Variants in KDM5B observed in about 807,000 individuals in gnomAD.
The protein encoded by KDM5B is lysine demethylase 5B, also known as lysine-specific demethylase 5B.
KDM5B carries 144 observed loss-of-function variants against 193.4 expected under a neutral mutation model. That is an observed-to-expected ratio of 0.74 (90% CI 0.65 to 0.86). The LOEUF is 0.86. Ranked by LOEUF, KDM5B falls within the 40% of genes least tolerant of loss-of-function variation. The pLI is 0.00. For synonymous variants in KDM5B, 668 were observed against 682.6 expected, an observed-to-expected ratio of 0.98 and a Z score of 0.33; for missense variants, 1,833 against 1,886.9, an observed-to-expected ratio of 0.97 and a Z score of 0.53.
rs1654653084 is a variant in KDM5B, at chr1:202,725,721, T to A, written c.*3315A>T. The A allele has an allele frequency of 6.6e-6, 1 of 152,248 alleles. No individual in the cohort carries two copies. Among genetic ancestry groups the A allele is most frequent in the South Asian group, 2.1e-4 (1 of 4,836 alleles). 9.4% of individuals were successfully genotyped at this position (152,248 alleles called of 1,614,324 possible). A position where few individuals can be genotyped will look rare whatever the true frequency, so the allele number is the denominator to read the frequency against. ...GACACTAGCATGGACTAGTATGTAG[T>A]TAGTCTGATAATGAATAACCAGCTC... On this transcript the variant is annotated 3_prime_UTR_variant, in exon 27 of 27. Coordinates refer to ENST00000367265, the MANE Select transcript of KDM5B (RefSeq NM_006618.5).
Position 202,733,669 on chromosome 1 carries a change from C to T in KDM5B, c.3641G>A (p.Arg1214Gln), listed in dbSNP as rs376652289. 1.4e-5 allele frequency: 22 copies of T among 1,614,120 alleles called. No individual in the cohort carries two copies. The highest frequency in any genetic ancestry group is 8.3e-5 in the Admixed American group (5 of 60,014). Residue 1214 changes from arginine to glutamine, a missense_variant, in exon 23 of 27, where the codon CGA becomes CAA. Arg to Gln is a conservative substitution (Grantham distance 43). Transcript: ENST00000367265. ...VAVPSISQGL[R>Q]IWLCPHCRRS... is the part of the protein sequence containing the mutation. ...CCGACAATGGGGACAAAGCCAGATT[C>T]GCAGGCCCTGTGAAATACTGGGTAC...
At chr1:202,780,118 T>C (rs551691375) in intron 1 of KDM5B, among the ~76,000 whole-genome samples, 78 of 152,236 alleles carry the variant, frequency 5.1e-4, no homozygotes, top group African/African-American at 1.8e-3. Context: ...AAACTCTCAT[T>C]GTTTTTAGCT....
In KDM5B at chr1:202,762,714, T is replaced by C. The variant is rs936607913; in HGVS notation, c.903A>G (p.Lys301=). 15 of 1,600,474 alleles carry C rather than the reference T, an allele frequency of 9.4e-6. No individual in the cohort carries two copies. Among genetic ancestry groups the C allele is most frequent in the Admixed American group, 3.3e-5 (2 of 59,990 alleles). The change falls in exon 7 of 27, where the codon AAA becomes AAG. Residue 301 remains lysine (K), a synonymous_variant. Coordinates refer to ENST00000367265, the MANE Select transcript of KDM5B (RefSeq NM_006618.5). The part of the protein sequence containing the change: ...NEKEKPKSRS[K]KATNAVDLYV... ...TGTCACTCACAGCATTGGTGGCTTT[T>C]TTAGATCGACTCTTGGGCTTTTCCT... is the stretch of plus-strand genomic sequence containing the variant.
At position 202,729,953 on chromosome 1, in the gene KDM5B, C is replaced by T; in HGVS notation, c.4251G>A (p.Glu1417=). 1 of 1,614,124 alleles carries T rather than the reference C, an allele frequency of 6.2e-7. No individual in the cohort carries two copies. Among genetic ancestry groups the T allele is most frequent in the Non-Finnish European group, 8.5e-7 (1 of 1,179,992 alleles). Residue 1417 remains glutamate, a synonymous_variant, in exon 26 of 27, where the codon GAG becomes GAA. Coordinates refer to ENST00000367265, the MANE Select transcript of KDM5B (RefSeq NM_006618.5). ...ERKLKRRLER[E]GLSSERWERV... ...GTTCCCACCGCTCACTGGAGAGGCC[C>T]TCTCTTTCCAGGCGTCTCTTCAGTT...
intron 14 of KDM5B, among the ~76,000 whole-genome samples, chr1:202,748,625 T>C (rs957861955): frequency 2.6e-5 from 4 of 152,012 alleles, no homozygotes; most frequent in African/African-American, 9.7e-5. Flanking sequence ...TCCCAGCACA[T>C]TGGGAGGTTG....
In KDM5B at chr1:202,766,993, TG is replaced by T. The variant is rs1373190531; in HGVS notation, c.643del (p.Gln215ArgfsTer20). 6.3e-7 allele frequency: 1 copy of T among 1,596,154 alleles called. No homozygotes were observed. The highest frequency in any genetic ancestry group is 8.5e-7 in the Non-Finnish European group (1 of 1,175,838). ...TTCCGAAGGCTGCACAGACTGCCTCTGGGGAATATCATGGGGTTTGTACTCC... is the reference window on the plus strand; with the variant it reads ...TTCCGAAGGCTGCACAGACTGCCTCTGGGAATATCATGGGGTTTGTACTCC... ...DKEYKPHDIP[Q>X]RQSVQPSETC... On this transcript the variant is annotated frameshift_variant, in exon 5 of 27. Transcript: ENST00000367265. LOFTEE classifies it high-confidence loss of function.
chr1:202,798,917 G>A lies in KDM5B; in HGVS notation c.204+9185C>T, dbSNP rs115354306. ...TACCTGTGGTCCCAGCTATTCAGGA[G>A]GCCGAGGTGAGAGGACGGCTTGAGC... On this transcript the variant is annotated intron_variant, in intron 1 of 26. Transcript: ENST00000367265. Among the ~76,000 whole-genome samples, 1,088 of 152,168 alleles carry A rather than the reference G, an allele frequency of 7.1e-3. 9 individuals are homozygous for A. Among genetic ancestry groups the A allele is most frequent in the African/African-American group, 0.025 (1,038 of 41,490 alleles).
Position 202,760,402 on chromosome 1 carries a change from TATTA to T in KDM5B, c.1077+9_1077+12del. ...AAAATTTTTCTAGTGTTACCTCTAC[TATTA>T]ATTATTACCTGAGCCAAACACTTAG... On this transcript the variant is annotated intron_variant, in intron 8 of 26. Coordinates refer to ENST00000367265, the MANE Select transcript of KDM5B (RefSeq NM_006618.5). 6.3e-7 allele frequency: 1 copy of T among 1,582,604 alleles called. No homozygotes were observed. The highest frequency in any genetic ancestry group is 8.6e-7 in the Non-Finnish European group (1 of 1,166,668).
Position 202,804,517 on chromosome 1 carries a change from C to G in KDM5B, c.204+3585G>C, listed in dbSNP as rs113988591. Among the ~76,000 whole-genome samples, 807 of 152,290 alleles carry G rather than the reference C, an allele frequency of 5.3e-3. 4 individuals carry two copies. Among genetic ancestry groups the G allele is most frequent in the Non-Finnish European group, 9.4e-3 (636 of 68,016 alleles). ...ACCATACAAAGAAGTGTATAAGTTCCTCCCTCTTCTCTAGGAGTGGAACCA... is the reference window on the plus strand; with the variant it reads ...ACCATACAAAGAAGTGTATAAGTTCGTCCCTCTTCTCTAGGAGTGGAACCA... On this transcript the variant is annotated intron_variant, in intron 1 of 26. Coordinates refer to ENST00000367265, the MANE Select transcript of KDM5B (RefSeq NM_006618.5).
At chr1:202,733,983 A>G in intron 22 of KDM5B, 97 bp from the exon 23 acceptor site, 1 of 1,396,194 alleles carries the variant, frequency 7.2e-7, no homozygotes, top group Non-Finnish European at 9.7e-7. Flanking sequence ...GATCCTGAGT[A>G]GATCATCTGT....
At chr1:202,729,388 G>A in intron 26 of KDM5B, 1 of 627,178 alleles carries the variant, frequency 1.6e-6, no homozygotes, top group Non-Finnish European at 2.8e-6. Flanking sequence ...CTGCTTTGGG[G>A]TTAAGACAGC....
chr1:202,777,174 G>T (rs1485591011), intron 1 of KDM5B, 80 bp from the exon 2 acceptor site: 2 of 1,095,444 alleles, frequency 1.8e-6, no homozygotes, highest in Non-Finnish European at 2.8e-6. Flanking sequence ...TTAAAACCCA[G>T]GTTAGGTAAA....
At chr1:202,730,067 T>C in intron 25 of KDM5B, 40 bp from the exon 26 acceptor site, 1 of 1,512,376 alleles carries the variant, frequency 6.6e-7, no homozygotes. Flanking sequence ...CGCCTATGGG[T>C]CACCTATTAC....
chr1:202,765,981 G>A (rs1485627890), intron 5 of KDM5B, among the ~76,000 whole-genome samples: 1 of 152,170 alleles, frequency 6.6e-6, no homozygotes, highest in Non-Finnish European at 1.5e-5. Flanking sequence ...GCTTCTCAGA[G>A]CAGAAAAATC....
intron 3 of KDM5B, among the ~76,000 whole-genome samples, chr1:202,773,802 A>G (rs1312363744): frequency 6.6e-6 from 1 of 150,740 alleles, no homozygotes; most frequent in Non-Finnish European, 1.5e-5. Context: ...CAATGGCGCA[A>G]TCTCGGCTCA....
chr1:202,740,667 A>C lies in KDM5B; in HGVS notation c.3084+7T>G. On this transcript the variant is annotated splice_region_variant and intron_variant, in intron 20 of 26. Transcript: ENST00000367265. ...TACACATTCTGTATATACTTTTTAA[A>C]ACCAACCTGCAGGCCCTCTACATCC... 1.2e-6 allele frequency: 2 copies of C among 1,610,012 alleles called. 1 individual carries two copies. Among genetic ancestry groups the C allele is most frequent in the South Asian group, 2.2e-5 (2 of 90,760 alleles).
intron 11 of KDM5B, among the ~76,000 whole-genome samples, chr1:202,753,675 G>GTTTTTTTTTTT (rs35243011): frequency 3.4e-5 from 3 of 87,362 alleles, no homozygotes; most frequent in South Asian, 4.3e-4. Context: ...TTTTTTTTTT[G>GTTTTTTTTTTT]TTTTTTTTTT....
At chr1:202,801,109 G>A (rs1299165561) in intron 1 of KDM5B, among the ~76,000 whole-genome samples, 1 of 152,068 alleles carries the variant, frequency 6.6e-6, no homozygotes, top group African/African-American at 2.4e-5. Context: ...TCCACTTTCT[G>A]CTCTTCTATC....
Position 202,758,394 on chromosome 1 carries a change from G to C in KDM5B, c.1194C>G (p.Val398=), listed in dbSNP as rs1656104563. Residue 398 remains valine, a synonymous_variant, in exon 9 of 27, where the codon GTC becomes GTG. Coordinates refer to ENST00000367265, the MANE Select transcript of KDM5B (RefSeq NM_006618.5). ...AAAGCAGTATATATGTACATACATG[G>C]ACTGGCATGTTGAAGTAATCAGATT... ...AFKSDYFNMP[V]HMVPTELVEK... is the part of the protein sequence containing the mutation. 6.2e-7 allele frequency: 1 copy of C among 1,610,502 alleles called. No individual in the cohort carries two copies. The highest frequency in any genetic ancestry group is 1.7e-5 in the Admixed American group (1 of 59,936).
Sources: allele counts gnomAD v4.1 joint callset (sites outside exome capture counted in the v4.1 genomes callset), GRCh38; gene constraint gnomAD v4.1.1; transcripts MANE v1.5; gene names NCBI Gene and HGNC (gene_info 2026-07-23, HGNC 2026-07-21).